Variants in CFAP210 observed in about 807,000 individuals in gnomAD.
CFAP210 encodes cilia- and flagella- associated protein 210.
chr2:169,690,714 A>C, the CFAP210 span, among the ~76,000 whole-genome samples: 1 of 151,884 alleles, frequency 6.6e-6, no homozygotes, highest in Non-Finnish European at 1.5e-5. Context: ...AGTAATTTGA[A>C]TATATTAGCC....
the CFAP210 span, among the ~76,000 whole-genome samples, chr2:169,681,600 T>G: frequency 6.6e-6 from 1 of 152,174 alleles, no homozygotes; most frequent in Non-Finnish European, 1.5e-5. Flanking sequence ...ATGGATAACT[T>G]TGTGGGTGGG....
At chr2:169,653,050 ATATATATATATATATATG>A in the CFAP210 span, among the ~76,000 whole-genome samples, 91 of 102,388 alleles carry the variant, frequency 8.9e-4, 1 homozygote, top group Non-Finnish European at 1.5e-3. Flanking sequence ...ATATATATAT[ATATATATATATATATATG>A]TATGTGTGTA....
the CFAP210 span, among the ~76,000 whole-genome samples, chr2:169,670,589 T>C: frequency 1.3e-5 from 2 of 152,204 alleles, no homozygotes; most frequent in Non-Finnish European, 2.9e-5. Context: ...GTAGTCAAGA[T>C]GTCAGTTGAA....
At chr2:169,688,986 A>G in the CFAP210 span, among the ~76,000 whole-genome samples, 1 of 152,252 alleles carries the variant, frequency 6.6e-6, no homozygotes, top group African/African-American at 2.4e-5. Context: ...ACAGTTCCAC[A>G]TGGCTGGGGA....
the CFAP210 span, chr2:169,658,506 A>G: frequency 6.5e-6 from 1 of 153,464 alleles, no homozygotes; most frequent in African/African-American, 2.4e-5. Context: ...CCTGTTTGAA[A>G]GGACAATATC....
At chr2:169,671,776 C>A in the CFAP210 span, among the ~76,000 whole-genome samples, 1 of 152,212 alleles carries the variant, frequency 6.6e-6, no homozygotes, top group African/African-American at 2.4e-5. Flanking sequence ...CAGCCGTGAA[C>A]TTCTTAAGAA....
At chr2:169,681,371 C>G in the CFAP210 span, 3 of 736,620 alleles carry the variant, frequency 4.1e-6, no homozygotes, top group Non-Finnish European at 6.9e-6. Context: ...CTAAGAACAG[C>G]TATGATTAAG....
chr2:169,679,360 C>T, the CFAP210 span, among the ~76,000 whole-genome samples: 2 of 152,126 alleles, frequency 1.3e-5, no homozygotes, highest in Non-Finnish European at 2.9e-5. Context: ...CGACATCTTC[C>T]TCCCACCCTC....
chr2:169,654,038 CAG>C, the CFAP210 span: 11 of 1,541,158 alleles, frequency 7.1e-6, no homozygotes, highest in African/African-American at 1.4e-5. Context: ...ATAATAATTT[CAG>C]ATAGTACTTT....
At chr2:169,694,159 T>A in the CFAP210 span, 3 of 1,150,032 alleles carry the variant, frequency 2.6e-6, no homozygotes, top group Non-Finnish European at 3.9e-6. Context: ...GTGGAGTCCA[T>A]TTCAAAAGGC....
the CFAP210 span, chr2:169,645,592 A>G: frequency 1.5e-5 from 6 of 397,536 alleles, no homozygotes; most frequent in Non-Finnish European, 2.7e-5. Context: ...TGGCTACACA[A>G]TATTTTGAAT....
At chr2:169,680,055 T>C in the CFAP210 span, among the ~76,000 whole-genome samples, 29 of 152,306 alleles carry the variant, frequency 1.9e-4, no homozygotes, top group African/African-American at 6.7e-4. Flanking sequence ...GTTTAAAAAT[T>C]ATCTAAGCTC....
the CFAP210 span, chr2:169,681,020 G>A: frequency 3.1e-6 from 5 of 1,613,756 alleles, no homozygotes; most frequent in South Asian, 5.5e-5. Context: ...ATATGTATTA[G>A]TCCAGTGTTT....
At chr2:169,656,609 C>T in the CFAP210 span, among the ~76,000 whole-genome samples, 3 of 152,126 alleles carry the variant, frequency 2.0e-5, no homozygotes, top group Admixed American at 6.5e-5. Flanking sequence ...AGGGCTAAAA[C>T]TCCAGCAGCT....
chr2:169,680,820 T>C, the CFAP210 span, among the ~76,000 whole-genome samples: 3 of 152,276 alleles, frequency 2.0e-5, no homozygotes, highest in East Asian at 5.8e-4. Flanking sequence ...AATTATAGGA[T>C]TGTACATTTC....
the CFAP210 span, among the ~76,000 whole-genome samples, chr2:169,686,943 C>T: frequency 1.3e-5 from 2 of 152,290 alleles, no homozygotes; most frequent in South Asian, 2.1e-4. Context: ...CTTACAGTTC[C>T]ACATGGCTGG....
chr2:169,684,900 C>A, the CFAP210 span, among the ~76,000 whole-genome samples: 458 of 152,318 alleles, frequency 3.0e-3, 4 homozygotes, highest in African/African-American at 0.011. Context: ...AAGTGATCCA[C>A]CTGCCTTGGC....
chr2:169,690,010 T>C, the CFAP210 span, among the ~76,000 whole-genome samples: 1 of 152,152 alleles, frequency 6.6e-6, no homozygotes, highest in Non-Finnish European at 1.5e-5. Context: ...AATTAACTTA[T>C]TTTTTGAGAT....
At chr2:169,665,239 A>G in the CFAP210 span, among the ~76,000 whole-genome samples, 1 of 152,154 alleles carries the variant, frequency 6.6e-6, no homozygotes, top group Admixed American at 6.5e-5. Flanking sequence ...CAAACATCCA[A>G]ACTGAGTTCT....
Sources: gnomAD v4.1 joint callset for allele counts (sites outside exome capture counted in the v4.1 genomes callset) on GRCh38, gnomAD v4.1.1 for gene constraint, MANE v1.5 for transcripts, NCBI Gene and HGNC (gene_info 2026-07-23, HGNC 2026-07-21) for gene names.